The following CDH4 variants were observed in gnomAD, a reference collection of about 807,000 sequenced individuals.
CDH4 encodes cadherin 4.
In CDH4, 33 loss-of-function variants were observed where a neutral mutation model predicts 86.0. The observed-to-expected ratio is 0.38, with a 90% CI of 0.29 to 0.51. CDH4 has a LOEUF of 0.51. Among genes scored for constraint, CDH4 ranks in the 20% least tolerant of loss-of-function variants. The pLI, the probability that CDH4 is intolerant of heterozygous loss-of-function variation, is 0.86. For synonymous variants in CDH4, 555 were observed against 549.4 expected, an observed-to-expected ratio of 1.01 and a Z score of -0.14; for missense variants, 1,114 against 1,307.4, an observed-to-expected ratio of 0.85 and a Z score of 2.28.
At position 61,623,075 on chromosome 20, in the gene CDH4, G is replaced by C. The variant is rs1156334204; in HGVS notation, c.170-120488G>C. Among the ~76,000 whole-genome samples, 2 of 152,196 alleles carry C rather than the reference G, an allele frequency of 1.3e-5. No homozygotes were observed. Among genetic ancestry groups the C allele is most frequent in the Non-Finnish European group, 2.9e-5 (2 of 68,042 alleles). On this transcript the variant is annotated intron_variant, in intron 2 of 15. Transcript: ENST00000614565. This position sits in a 1 kb window ranked among gnomAD's most constrained non-coding sequence, Gnocchi z 4.4. ...AACGGGGAGGTGCCTTAGAGGCAAA[G>C]CTTCATTTAAAATAATGACATAAGA... is the stretch of plus-strand genomic sequence containing the variant.
chr20:61,744,072 G>T (rs2088379611), intron 3 of CDH4, among the ~76,000 whole-genome samples: 1 of 152,206 alleles, frequency 6.6e-6, no homozygotes, highest in Non-Finnish European at 1.5e-5. Flanking sequence ...TGAACAAGGG[G>T]CCCCAAATTT....
intron 2 of CDH4, among the ~76,000 whole-genome samples, chr20:61,697,414 A>G (rs987809952): frequency 1.3e-5 from 2 of 152,164 alleles, no homozygotes; most frequent in African/African-American, 4.8e-5. Flanking sequence ...CCTGGCCAAC[A>G]TGGTAAAACC....
intron 2 of CDH4, among the ~76,000 whole-genome samples, chr20:61,560,196 C>T (rs572879633): frequency 1.3e-5 from 2 of 152,200 alleles, no homozygotes; most frequent in Non-Finnish European, 2.9e-5. Flanking sequence ...TGAATCCCCC[C>T]ACCTGCGGGT....
chr20:61,482,067 T>A (rs151184034), intron 2 of CDH4, among the ~76,000 whole-genome samples: 1 of 152,332 alleles, frequency 6.6e-6, no homozygotes, highest in East Asian at 1.9e-4. Flanking sequence ...CTGTTGCTAT[T>A]GAGAACTGAG....
chr20:61,791,449 C>T lies in CDH4; in HGVS notation c.576+18267C>T, dbSNP rs549797789. On this transcript the variant is annotated intron_variant, in intron 4 of 15. Coordinates refer to ENST00000614565, the MANE Select transcript of CDH4 (RefSeq NM_001794.5). Reference sequence around the variant, plus strand: ...TTTTCTAGGAAAGTCCATCTTAGGCCGGATGAAAACAGTGATTCACCCGGT... The same window carrying T: ...TTTTCTAGGAAAGTCCATCTTAGGCTGGATGAAAACAGTGATTCACCCGGT... Among the ~76,000 whole-genome samples, 33 of 152,256 alleles carry T rather than the reference C, an allele frequency of 2.2e-4. 1 individual carries two copies. In the South Asian group the frequency reaches 6.0e-3, roughly 28 times the overall value.
chr20:61,799,004 A>G (rs1236665148), intron 4 of CDH4, among the ~76,000 whole-genome samples: 2 of 152,378 alleles, frequency 1.3e-5, no homozygotes, highest in Middle Eastern at 3.4e-3. Context: ...ACTAAGCTCA[A>G]GGCTTTCTTA....
chr20:61,307,466 G>A (rs1255058747), intron 2 of CDH4, among the ~76,000 whole-genome samples: 1 of 152,212 alleles, frequency 6.6e-6, no homozygotes. Context: ...TCCAACACAC[G>A]TTGCGCGTAT....
At position 61,457,611 on chromosome 20, in the gene CDH4, C is replaced by T. The variant is rs116602296; in HGVS notation, c.169+202674C>T. 1.8e-3 allele frequency among the ~76,000 whole-genome samples: 267 copies of T among 152,058 alleles called. 1 individual carries two copies. Among genetic ancestry groups the T allele is most frequent in the African/African-American group, 6.3e-3 (261 of 41,442 alleles). On this transcript the variant is annotated intron_variant, in intron 2 of 15. Transcript: ENST00000614565. ...TACGATGGTCATGATCATGATGGTG[C>T]TGACAGTGCTGGCACTGGTGGTGGT...
At chr20:61,736,053 A>G (rs755325173) in intron 2 of CDH4, among the ~76,000 whole-genome samples, 4 of 151,920 alleles carry the variant, frequency 2.6e-5, no homozygotes, top group Non-Finnish European at 5.9e-5. Context: ...AGGATGCGGG[A>G]CCTCCTGGGA....
chr20:61,721,234 C>T (rs566325907), intron 2 of CDH4, among the ~76,000 whole-genome samples: 153 of 152,346 alleles, frequency 1.0e-3, no homozygotes, highest in Non-Finnish European at 1.8e-3. Context: ...GCATGCTTTG[C>T]TCTCTAAGGA....
At chr20:61,801,042 G>T (rs1232120258) in intron 4 of CDH4, among the ~76,000 whole-genome samples, 1 of 152,150 alleles carries the variant, frequency 6.6e-6, no homozygotes, top group Non-Finnish European at 1.5e-5. Context: ...GTCAGTTTGG[G>T]CACTGCAACC....
At chr20:61,809,215 G>A (rs376404252) in intron 4 of CDH4, among the ~76,000 whole-genome samples, 18 of 152,216 alleles carry the variant, frequency 1.2e-4, no homozygotes, top group African/African-American at 3.9e-4. Flanking sequence ...TAGGAAGGAC[G>A]TGCTGTCATG....
intron 2 of CDH4, among the ~76,000 whole-genome samples, chr20:61,293,054 G>A (rs553010168): frequency 6.6e-6 from 1 of 152,258 alleles, no homozygotes; most frequent in African/African-American, 2.4e-5. Flanking sequence ...CCGAGGCTCA[G>A]GGCTCCCCTG....
chr20:61,766,986 G>C (rs1048658569), intron 3 of CDH4, among the ~76,000 whole-genome samples: 1 of 152,240 alleles, frequency 6.6e-6, no homozygotes. Context: ...CCATCAAGAT[G>C]GTGGGCCACA....
chr20:61,474,027 C>T (rs2085520815), intron 2 of CDH4, among the ~76,000 whole-genome samples: 1 of 152,064 alleles, frequency 6.6e-6, no homozygotes, highest in African/African-American at 2.4e-5. Context: ...GTAGATGACT[C>T]TGGCTTACTG....
At chr20:61,843,342 C>G (rs574183542) in intron 4 of CDH4, among the ~76,000 whole-genome samples, 3 of 149,226 alleles carry the variant, frequency 2.0e-5, no homozygotes, top group African/African-American at 7.4e-5. Context: ...CCCAGCTACT[C>G]AGGAGGCTGA....
At chr20:61,632,202 G>A (rs1475553452) in intron 2 of CDH4, among the ~76,000 whole-genome samples, 3 of 152,216 alleles carry the variant, frequency 2.0e-5, no homozygotes, top group Non-Finnish European at 4.4e-5. Flanking sequence ...AGAGTGAAGC[G>A]CAGGGCACAT....
intron 2 of CDH4, among the ~76,000 whole-genome samples, chr20:61,653,964 C>T (rs2087158417): frequency 6.6e-6 from 1 of 151,692 alleles, no homozygotes. Flanking sequence ...CAGAGGGGCT[C>T]CTCACATCCC....
intron 2 of CDH4, chr20:61,436,366 C>G (rs2085282341): frequency 6.6e-6 from 1 of 152,266 alleles, no homozygotes; most frequent in Non-Finnish European, 1.5e-5. Flanking sequence ...AAAAGACTAC[C>G]CCCACTTCAG....
Sources: allele counts gnomAD v4.1 joint callset (sites outside exome capture counted in the v4.1 genomes callset), GRCh38; gene constraint gnomAD v4.1.1; non-coding constraint Gnocchi (gnomAD v3.1); transcripts MANE v1.5; gene names NCBI Gene and HGNC (gene_info 2026-07-23, HGNC 2026-07-21).